The following RBFOX1 variants were observed in gnomAD, a reference collection of about 807,000 sequenced individuals.
The protein encoded by RBFOX1 is RNA binding protein fox-1 homolog 1.
RBFOX1 carries 8 observed loss-of-function variants against 57.7 expected under a neutral mutation model. The observed-to-expected ratio is 0.14, with a 90% CI of 0.08 to 0.25. The LOEUF (loss-of-function observed/expected upper bound fraction) is 0.25, where lower values mean the gene tolerates loss of function less well. Among genes scored for constraint, RBFOX1 ranks in the 10% least tolerant of loss-of-function variants. The pLI is 1.00. For missense variants in RBFOX1, 611 were observed against 548.5 expected (o/e 1.11, Z -1.14); for synonymous variants, 326 against 222.4 (o/e 1.47, Z -4.15).
At chr16:5,374,163 C>A (rs879820489) in intron 1 of RBFOX1, among the ~76,000 whole-genome samples, 12 of 152,244 alleles carry the variant, frequency 7.9e-5, no homozygotes, top group Non-Finnish European at 1.5e-4. Flanking sequence ...GTCTTGAACT[C>A]CTGAGCTCAG....
intron 4 of RBFOX1, among the ~76,000 whole-genome samples, chr16:5,938,728 C>G (rs192734150): frequency 6.6e-6 from 1 of 152,134 alleles, no homozygotes; most frequent in South Asian, 2.1e-4. Context: ...CTCCAGGTGA[C>G]ACCATCACAA....
At chr16:7,189,349 C>T (rs954304902) in intron 4 of RBFOX1, among the ~76,000 whole-genome samples, 3 of 147,272 alleles carry the variant, frequency 2.0e-5, no homozygotes, top group Non-Finnish European at 4.4e-5. Flanking sequence ...TGGTGTGAAC[C>T]CGGGAGGTGG....
At chr16:5,617,672 A>T (rs2048077687) in intron 3 of RBFOX1, among the ~76,000 whole-genome samples, 2 of 152,156 alleles carry the variant, frequency 1.3e-5, no homozygotes, top group South Asian at 2.1e-4. Flanking sequence ...GTTTCTGAGG[A>T]CTATACCCTG....
chr16:7,707,188 C>G (rs920183959), intron 14 of RBFOX1, among the ~76,000 whole-genome samples: 1 of 152,150 alleles, frequency 6.6e-6, no homozygotes, highest in Non-Finnish European at 1.5e-5. Context: ...TTGACACAGG[C>G]AGATGGGCTT....
intron 4 of RBFOX1, among the ~76,000 whole-genome samples, chr16:7,386,429 T>TC (rs2097883207): frequency 1.3e-5 from 2 of 149,766 alleles, no homozygotes. Context: ...CCTCCCTGTG[T>TC]CCATGTATTC....
At chr16:6,996,083 G>T (rs371362576) in intron 3 of RBFOX1, among the ~76,000 whole-genome samples, 1 of 152,130 alleles carries the variant, frequency 6.6e-6, no homozygotes, top group African/African-American at 2.4e-5. Context: ...GACCATCAGT[G>T]ATCCAAGTAT....
intron 4 of RBFOX1, among the ~76,000 whole-genome samples, chr16:7,385,267 A>T (rs1392193590): frequency 6.6e-6 from 1 of 152,184 alleles, no homozygotes; most frequent in Non-Finnish European, 1.5e-5. Context: ...CCAGGAGAAG[A>T]AGGCAGGAGA....
Position 5,248,498 on chromosome 16 carries a change from C to G in RBFOX1, c.219+8393C>G, listed in dbSNP as rs139599572. Among the ~76,000 whole-genome samples, 15 of 152,296 alleles carry G rather than the reference C, an allele frequency of 9.8e-5. No individual in the cohort carries two copies. The East Asian group carries it at 2.7e-3, about 28-fold the overall frequency. On this transcript the variant is annotated intron_variant, in intron 1 of 2. Coordinates refer to the RBFOX1 transcript ENST00000585867. ...TGGAAGGGGGCAGGTCACCCACAGC[C>G]TAGCACAGGGTTCCTGCCTTAGCTT... is the stretch of plus-strand genomic sequence containing the variant.
chr16:6,606,731 C>G (rs1219066933), intron 2 of RBFOX1, among the ~76,000 whole-genome samples: 1 of 152,092 alleles, frequency 6.6e-6, no homozygotes, highest in African/African-American at 2.4e-5. Flanking sequence ...TGCATATGTA[C>G]CACGTTTTCT....
At chr16:7,106,702 AG>A (rs767372568) in intron 4 of RBFOX1, among the ~76,000 whole-genome samples, 2 of 152,110 alleles carry the variant, frequency 1.3e-5, no homozygotes, top group Admixed American at 6.6e-5. Flanking sequence ...GCTCCATGCT[AG>A]GTGCTTGAGA....
rs141144325 is a variant in RBFOX1, at chr16:6,100,374, G to T, written c.-127+80382G>T. The stretch of plus-strand genomic sequence containing the variant: ...AGACGGGGTTTCACCATGTTAGCCA[G>T]GATGGTCTCGATTTCCTGACCGCGT... On this transcript the variant is annotated intron_variant, in intron 1 of 15. Coordinates refer to ENST00000550418, the MANE Select transcript of RBFOX1 (RefSeq NM_018723.4). Among the ~76,000 whole-genome samples, 935 of 152,284 alleles carry T rather than the reference G, an allele frequency of 6.1e-3. 4 individuals are homozygous for T. The highest frequency in any genetic ancestry group is 0.01 in the Non-Finnish European group (695 of 68,016).
At chr16:5,364,668 G>T (rs148641063) in intron 1 of RBFOX1, among the ~76,000 whole-genome samples, 1 of 152,192 alleles carries the variant, frequency 6.6e-6, no homozygotes, top group East Asian at 1.9e-4. Context: ...TGCTCTACAC[G>T]CATCTCGGAA....
rs963231632 is a variant in RBFOX1, at chr16:6,756,882, G to A, written c.-16+102232G>A. 4.6e-5 allele frequency among the ~76,000 whole-genome samples: 7 copies of A among 152,198 alleles called. No homozygotes were observed. The East Asian group carries it at 9.7e-4, about 21-fold the overall frequency. ...CACAGCTCCTTGGGAGGCTGAGGCA[G>A]GAGAATTGCTTGAACCGAGGGGATG... is the stretch of plus-strand genomic sequence containing the variant. On this transcript the variant is annotated intron_variant, in intron 3 of 15. Transcript: ENST00000550418.
intron 1 of RBFOX1, among the ~76,000 whole-genome samples, chr16:6,108,850 C>T (rs144207098): frequency 6.4e-4 from 97 of 152,194 alleles, no homozygotes; most frequent in African/African-American, 2.1e-3. Flanking sequence ...GTCTGATCTC[C>T]CTCTGCTCTC....
intron 1 of RBFOX1, among the ~76,000 whole-genome samples, chr16:6,249,689 G>A (rs934375293): frequency 6.6e-6 from 1 of 152,046 alleles, no homozygotes; most frequent in African/African-American, 2.4e-5. Context: ...TCCATGCCAA[G>A]TGATGACATG....
chr16:7,184,030 G>C (rs1241166859), intron 4 of RBFOX1, among the ~76,000 whole-genome samples: 1 of 152,226 alleles, frequency 6.6e-6, no homozygotes, highest in African/African-American at 2.4e-5. Context: ...CAGATGGCTG[G>C]AGGTGGCCTA....
chr16:6,982,738 A>G (rs1158296469), intron 3 of RBFOX1, among the ~76,000 whole-genome samples: 2 of 152,274 alleles, frequency 1.3e-5, no homozygotes, highest in East Asian at 3.9e-4. Flanking sequence ...CATGCCTGTA[A>G]TCCCAACACT....
intron 1 of RBFOX1, among the ~76,000 whole-genome samples, chr16:6,229,950 A>G (rs1383894184): frequency 1.3e-5 from 2 of 152,194 alleles, no homozygotes; most frequent in African/African-American, 2.4e-5. Context: ...AAGGAAAAGA[A>G]AAGGTATGAT....
chr16:6,939,257 T>C (rs72774206), intron 3 of RBFOX1, among the ~76,000 whole-genome samples: 17,131 of 152,200 alleles, frequency 0.11, 1,187 homozygotes, highest in East Asian at 0.17. Context: ...TTCTCAAATA[T>C]TGCAGACATG....
Sources: allele counts gnomAD v4.1 joint callset (sites outside exome capture counted in the v4.1 genomes callset), GRCh38; gene constraint gnomAD v4.1.1; transcripts MANE v1.5; gene names NCBI Gene and HGNC (gene_info 2026-07-23, HGNC 2026-07-21).